Variants in SNTG1 observed in about 807,000 individuals in gnomAD.
SNTG1 encodes the protein syntrophin gamma 1, also known as gamma-1-syntrophin.
A neutral mutation model predicts 74.7 loss-of-function variants in SNTG1; 39 were observed. The observed-to-expected ratio is 0.52, with a 90% CI of 0.40 to 0.68. The LOEUF (loss-of-function observed/expected upper bound fraction) is 0.68. Among genes scored for constraint, SNTG1 ranks in the 30% least tolerant of loss-of-function variants. SNTG1 has a pLI of 0.00. For synonymous variants in SNTG1, 254 were observed against 217.1 expected, an observed-to-expected ratio of 1.17 and a Z score of -1.49; for missense variants, 685 against 609.5, an observed-to-expected ratio of 1.12 and a Z score of -1.30.
intron 1 of SNTG1, among the ~76,000 whole-genome samples, chr8:50,146,779 T>G (rs979804977): frequency 6.6e-6 from 1 of 152,194 alleles, no homozygotes; most frequent in African/African-American, 2.4e-5. Context: ...GTAGTTTAAA[T>G]TTAGATTTAT....
intron 2 of SNTG1, among the ~76,000 whole-genome samples, chr8:50,291,753 G>A (rs1323899058): frequency 2.6e-5 from 4 of 152,148 alleles, no homozygotes; most frequent in African/African-American, 7.2e-5. Flanking sequence ...TTGGAGGGGT[G>A]ACATAGCAAT....
At chr8:49,929,239 T>C (rs415276) in intron 1 of SNTG1, among the ~76,000 whole-genome samples, 125,265 of 152,192 alleles carry the variant, frequency 0.82, 51,901 homozygotes, top group East Asian at 0.99. Flanking sequence ...ATATAATTCA[T>C]TGGAGAGGAA....
At chr8:50,144,826 AAAAG>A (rs2081799806) in intron 1 of SNTG1, among the ~76,000 whole-genome samples, 1 of 152,194 alleles carries the variant, frequency 6.6e-6, no homozygotes, top group Non-Finnish European at 1.5e-5. Flanking sequence ...CAATAGTTGT[AAAAG>A]AAAGGGATCA....
intron 4 of SNTG1, among the ~76,000 whole-genome samples, chr8:50,436,934 T>C (rs890184198): frequency 6.6e-6 from 1 of 152,230 alleles, no homozygotes; most frequent in Non-Finnish European, 1.5e-5. Flanking sequence ...GTATTTGTGG[T>C]TGCATTCCTG....
chr8:50,286,633 C>T (rs952851856), intron 2 of SNTG1: 1 of 152,086 alleles, frequency 6.6e-6, no homozygotes, highest in Admixed American at 6.6e-5. Context: ...CGGCTTCAAC[C>T]CAACATTATT....
intron 1 of SNTG1, among the ~76,000 whole-genome samples, chr8:50,134,241 A>G (rs757954036): frequency 3.3e-5 from 5 of 152,166 alleles, no homozygotes; most frequent in Non-Finnish European, 5.9e-5. Context: ...ATCATGGCAT[A>G]GGTTATAGCA....
chr8:50,176,352 C>G (rs2082999479), intron 2 of SNTG1, among the ~76,000 whole-genome samples: 1 of 152,188 alleles, frequency 6.6e-6, no homozygotes, highest in Admixed American at 6.5e-5. Flanking sequence ...GAAATCATCT[C>G]TATTTCTAGT....
chr8:50,358,697 T>C (rs1238215941), intron 2 of SNTG1, among the ~76,000 whole-genome samples: 1 of 152,182 alleles, frequency 6.6e-6, no homozygotes, highest in African/African-American at 2.4e-5. Flanking sequence ...AAATTTACTT[T>C]TAACAGTACA....
chr8:49,973,311 A>C (rs1465041022), intron 1 of SNTG1, among the ~76,000 whole-genome samples: 1 of 151,968 alleles, frequency 6.6e-6, no homozygotes, highest in Non-Finnish European at 1.5e-5. Flanking sequence ...GGAATTGAAC[A>C]ATGAGAACAC....
At chr8:49,990,693 G>A (rs943548441) in intron 1 of SNTG1, among the ~76,000 whole-genome samples, 4 of 152,006 alleles carry the variant, frequency 2.6e-5, no homozygotes, top group South Asian at 2.1e-4. Flanking sequence ...TTGTGCACAG[G>A]CATTTTAATG....
intron 9 of SNTG1, 112 bp downstream of exon 9, chr8:50,502,992 T>TA: frequency 1.3e-6 from 1 of 782,936 alleles, no homozygotes; most frequent in Non-Finnish European, 2.0e-6. Flanking sequence ...TGCCTGACTG[T>TA]AAACATTTTT....
At chr8:50,041,402 T>C (rs757646644) in intron 1 of SNTG1, among the ~76,000 whole-genome samples, 11 of 152,188 alleles carry the variant, frequency 7.2e-5, no homozygotes, top group Non-Finnish European at 1.3e-4. Flanking sequence ...AAAATAACAC[T>C]AATAAAGACT....
At chr8:50,614,542 T>C (rs755511888) in intron 13 of SNTG1, among the ~76,000 whole-genome samples, 4 of 152,120 alleles carry the variant, frequency 2.6e-5, no homozygotes, top group African/African-American at 7.2e-5. Context: ...TATAGTAGAA[T>C]GCTATGATAA....
chr8:50,464,230 G>C (rs1439745845), intron 8 of SNTG1, among the ~76,000 whole-genome samples: 1 of 152,116 alleles, frequency 6.6e-6, no homozygotes, highest in Non-Finnish European at 1.5e-5. Context: ...ATCTTCACTT[G>C]AGTAGCACTT....
intron 13 of SNTG1, among the ~76,000 whole-genome samples, chr8:50,646,750 G>T (rs1311480488): frequency 6.6e-6 from 1 of 152,050 alleles, no homozygotes; most frequent in Non-Finnish European, 1.5e-5. Context: ...AAAAGACCCA[G>T]AAAAACCAAC....
intron 2 of SNTG1, among the ~76,000 whole-genome samples, chr8:50,335,040 T>C (rs1471714236): frequency 3.3e-5 from 5 of 152,244 alleles, no homozygotes; most frequent in East Asian, 1.9e-4. Flanking sequence ...AGTCAATATA[T>C]ATCCGTTAAA....
chr8:50,464,053 C>A (rs2093589325), intron 8 of SNTG1, among the ~76,000 whole-genome samples: 1 of 152,168 alleles, frequency 6.6e-6, no homozygotes, highest in African/African-American at 2.4e-5. Context: ...AACTTTTCTT[C>A]TTCAGTGTCC....
intron 2 of SNTG1, among the ~76,000 whole-genome samples, chr8:50,329,154 T>A (rs1442151199): frequency 6.6e-6 from 1 of 152,146 alleles, no homozygotes; most frequent in Non-Finnish European, 1.5e-5. Context: ...ACTGCAGGGT[T>A]CAACCTCCCC....
intron 1 of SNTG1, among the ~76,000 whole-genome samples, chr8:50,022,114 T>C (rs755384625): frequency 1.4e-4 from 22 of 152,192 alleles, no homozygotes; most frequent in Non-Finnish European, 2.5e-4. Flanking sequence ...GTATAGCAAG[T>C]ATATGAGACC....
Sources: gnomAD v4.1 joint callset for allele counts (sites outside exome capture counted in the v4.1 genomes callset) on GRCh38, gnomAD v4.1.1 for gene constraint, MANE v1.5 for transcripts, NCBI Gene and HGNC (gene_info 2026-07-23, HGNC 2026-07-21) for gene names.